USHBP1: variants seen among roughly 807,000 people sequenced by gnomAD.
USHBP1 encodes the protein USH1 protein network component harmonin binding protein 1, also known as harmonin-binding protein USHBP1.
USHBP1 carries 67 observed loss-of-function variants against 76.2 expected under a neutral mutation model. The ratio of observed to expected loss-of-function variants is 0.88; its 90% CI spans 0.72 to 1.08. The LOEUF (loss-of-function observed/expected upper bound fraction) is 1.08. Ranked by LOEUF, USHBP1 falls within the 50% of genes least tolerant of loss-of-function variation. The pLI, the probability that USHBP1 is intolerant of heterozygous loss-of-function variation, is 0.00. For missense variants in USHBP1, 931 were observed against 915.0 expected (o/e 1.02, Z -0.23); for synonymous variants, 322 against 362.2 (o/e 0.89, Z 1.26).
rs1384142620 is a variant in USHBP1, at chr19:17,263,828, T to G, written c.203+174A>C. 6.0e-6 allele frequency: 5 copies of G among 828,140 alleles called. No homozygotes were observed. In the African/African-American group the frequency reaches 8.6e-5, roughly 14 times the overall value. 51.3% of individuals were successfully genotyped at this position (828,140 alleles called of 1,614,324 possible). On this transcript the variant is annotated intron_variant, in intron 3 of 12. Coordinates refer to ENST00000252597, the MANE Select transcript of USHBP1 (RefSeq NM_031941.4). The stretch of plus-strand genomic sequence containing the variant: ...TTGCTGTGAGCCGAGATTGTGCCAC[T>G]GCACTGCACTACAGCCTGGGTGACA...
chr19:17,262,856 T>C lies in USHBP1; in HGVS notation c.338A>G (p.Asn113Ser), dbSNP rs774286997. 9.9e-6 allele frequency: 16 copies of C among 1,612,814 alleles called. No individual in the cohort carries two copies. The East Asian group carries it at 3.1e-4, about 31-fold the overall frequency. The part of the protein sequence containing the change: ...LQYKETVPPG[N>S]GAPDVFQTLQ... Reference sequence around the variant, plus strand: ...GGTCTGAAACACATCGGGGGCCCCATTCCCAGGGGGCACAGTCTCCTTGTA... The same window carrying C: ...GGTCTGAAACACATCGGGGGCCCCACTCCCAGGGGGCACAGTCTCCTTGTA... Residue 113 changes from asparagine (N) to serine (S), a missense_variant, in exon 4 of 13, where the codon AAT (asparagine) becomes AGT (serine). Coordinates refer to ENST00000252597, the MANE Select transcript of USHBP1 (RefSeq NM_031941.4).
chr19:17,251,439 C>T (rs527286373), intron 12 of USHBP1, 143 bp downstream of exon 12: 2 of 1,174,720 alleles, frequency 1.7e-6, no homozygotes, highest in African/African-American at 1.5e-5. Context: ...GCTGGGATTA[C>T]AGGTGTGAGC....
intron 7 of USHBP1, chr19:17,258,677 C>T (rs2073651025): frequency 3.0e-6 from 1 of 336,600 alleles, no homozygotes; most frequent in Non-Finnish European, 5.5e-6. Context: ...CCACTGCACT[C>T]CAGCCTGGGT....
chr19:17,255,596 G>A lies in USHBP1; in HGVS notation c.1481C>T (p.Ala494Val), dbSNP rs780676633. The change falls in exon 10 of 13, where the codon GCG becomes GTG. Residue 494 changes from alanine (A) to valine (V), a missense_variant. Ala to Val is a moderately conservative substitution (Grantham distance 64, BLOSUM62 0). Coordinates refer to ENST00000252597, the MANE Select transcript of USHBP1 (RefSeq NM_031941.4). Reference protein sequence around the residue: ...QDLVAAREALADLMLRLQLVR... With the variant: ...QDLVAAREALVDLMLRLQLVR... ...CAGCTGCAGCCGAAGCATCAGGTCC[G>A]CCAGGGCCTCCTGTGGGACCAAGGA... 36 of 1,610,292 alleles carry A rather than the reference G, an allele frequency of 2.2e-5. No individual in the cohort carries two copies. In the Middle Eastern group the frequency reaches 5.2e-4, roughly 23 times the overall value.
intron 3 of USHBP1, 24 bp downstream of exon 3, chr19:17,263,978 G>C: frequency 1.3e-6 from 2 of 1,528,298 alleles, no homozygotes; most frequent in Non-Finnish European, 1.8e-6. Flanking sequence ...CTGGAGTGAA[G>C]GGCACAGACC....
intron 9 of USHBP1, 111 bp downstream of exon 9, chr19:17,256,360 T>C (rs1023406268): frequency 2.0e-6 from 3 of 1,479,236 alleles, no homozygotes; most frequent in Middle Eastern, 1.8e-4. Flanking sequence ...CCCTTCACAA[T>C]GCCTGCACTC....
chr19:17,257,385 G>A (rs1277176325), intron 8 of USHBP1, among the ~76,000 whole-genome samples: 3 of 146,458 alleles, frequency 2.0e-5, no homozygotes, highest in East Asian at 2.2e-4. Flanking sequence ...CCTAACGCCT[G>A]TAATCCCAGC....
chr19:17,264,136 G>C lies in USHBP1; in HGVS notation c.69C>G (p.Pro23=), dbSNP rs773761807. 6.2e-7 allele frequency: 1 copy of C among 1,613,604 alleles called. No homozygotes were observed. The highest frequency in any genetic ancestry group is 1.3e-5 in the African/African-American group (1 of 74,954). Residue 23 remains proline (P), a synonymous_variant, in exon 3 of 13, where the codon CCC becomes CCG. Transcript: ENST00000252597. The part of the protein sequence containing the change: ...GRHAPPGELD[P]VAESSEEVEA... The stretch of plus-strand genomic sequence containing the variant: ...CGACCTCCTCTGAACTCTCAGCCAC[G>C]GGATCCAGTTCACCCTGCAAATGAC...
chr19:17,264,371 C>T, intron 1 of USHBP1, 24 bp from the exon 2 acceptor site: 1 of 1,499,762 alleles, frequency 6.7e-7, no homozygotes, highest in Non-Finnish European at 9.0e-7. Context: ...CTGCCATGAG[C>T]TCTTGCCTTT....
chr19:17,259,380 G>C lies in USHBP1; in HGVS notation c.955C>G (p.Gln319Glu). ...CFNRLLSAVL[Q>E]GYKGRCEGLS... ...CCTTCACAGCGGCCCTTGTATCCCT[G>C]TAGCACAGCTGATAGCAGACGATTA... is the stretch of plus-strand genomic sequence containing the variant. Residue 319 changes from glutamine to glutamate, a missense_variant, in exon 7 of 13, where the codon CAG becomes GAG. Physicochemically the swap from Gln to Glu is conservative, Grantham distance 29. Coordinates refer to ENST00000252597, the MANE Select transcript of USHBP1 (RefSeq NM_031941.4). 6.2e-7 allele frequency: 1 copy of C among 1,614,136 alleles called. No individual in the cohort carries two copies. The highest frequency in any genetic ancestry group is 8.5e-7 in the Non-Finnish European group (1 of 1,180,030).
chr19:17,258,319 G>C lies in USHBP1; in HGVS notation c.1113C>G (p.Asp371Glu). Residue 371 changes from aspartate (D) to glutamate (E), a missense_variant, in exon 8 of 13, where the codon GAC (aspartate) becomes GAG (glutamate). Coordinates refer to ENST00000252597, the MANE Select transcript of USHBP1 (RefSeq NM_031941.4). ...ALREADSGAG[D>E]EAPMSDLQAA... ...CTTGCAGGTCACTCATGGGGGCTTCGTCTCCTGCTCCTGAGTCGGCCTCCC... is the reference window on the plus strand; with the variant it reads ...CTTGCAGGTCACTCATGGGGGCTTCCTCTCCTGCTCCTGAGTCGGCCTCCC... The C allele has an allele frequency of 6.2e-7, 1 of 1,614,036 alleles. No individual in the cohort carries two copies.
chr19:17,250,558 G>C (rs1270386096), intron 12 of USHBP1, 144 bp from the exon 13 acceptor site: 2 of 980,864 alleles, frequency 2.0e-6, no homozygotes, highest in Non-Finnish European at 2.9e-6. Context: ...TGTTGTTGTT[G>C]TTGTTGTTTG....
At position 17,250,257 on chromosome 19, in the gene USHBP1, G is replaced by A; in HGVS notation, c.2080C>T (p.Pro694Ser). ...AAGGTGTCCCCAAGCTGGGGAGGCG[G>A]GAGGGGAGGCCTGGGCTTCCCCAGG... ...RALGKPRPPL[P>S]PPQLGDTFL Residue 694 changes from proline to serine, a missense_variant, in exon 13 of 13, where the codon CCG (proline) becomes TCG (serine). Coordinates refer to ENST00000252597, the MANE Select transcript of USHBP1 (RefSeq NM_031941.4). The A allele has an allele frequency of 6.2e-7, 1 of 1,612,920 alleles. No individual in the cohort carries two copies. The highest frequency in any genetic ancestry group is 8.5e-7 in the Non-Finnish European group (1 of 1,179,670).
In USHBP1 at chr19:17,262,699, C is replaced by A; in HGVS notation, c.495G>T (p.Gly165=). Residue 165 remains glycine (G), a synonymous_variant, in exon 4 of 13, where the codon GGG becomes GGT. Transcript: ENST00000252597. ...GGAGSLGKQE[G]AGSCQREAAR... The stretch of plus-strand genomic sequence containing the variant: ...CTGCCTCTCGCTGGCAGCTCCCTGC[C>A]CCTTCCTGCTTCCCAAGGGAACCTG... 6.2e-7 allele frequency: 1 copy of A among 1,614,192 alleles called. No homozygotes were observed. Among genetic ancestry groups the A allele is most frequent in the Non-Finnish European group, 8.5e-7 (1 of 1,180,036 alleles).
Position 17,262,620 on chromosome 19 carries a change from CCT to C in USHBP1, c.572_573del (p.Glu191GlyfsTer2). On this transcript the variant is annotated frameshift_variant, in exon 4 of 13. Transcript: ENST00000252597. LOFTEE classifies it high-confidence loss of function. Reference sequence around the variant, plus strand: ...GAGGCCTGCGTGCGGACCAGCTCATCCTCTCGGCTACTCAGGGCCAGCCGGAG... The same window carrying C: ...GAGGCCTGCGTGCGGACCAGCTCATCCTCGGCTACTCAGGGCCAGCCGGAG... ...AWLRLALSSR[E>X]DELVRTQASL... 6.2e-7 allele frequency: 1 copy of C among 1,613,916 alleles called. No homozygotes were observed. The highest frequency in any genetic ancestry group is 8.5e-7 in the Non-Finnish European group (1 of 1,180,010).
chr19:17,262,700 C>A lies in USHBP1; in HGVS notation c.494G>T (p.Gly165Val). Residue 165 changes from glycine to valine, a missense_variant, in exon 4 of 13, where the codon GGG (glycine) becomes GTG (valine). Coordinates refer to ENST00000252597, the MANE Select transcript of USHBP1 (RefSeq NM_031941.4). ...GGAGSLGKQEGAGSCQREAAR... is the reference protein window; with the variant it reads ...GGAGSLGKQEVAGSCQREAAR... Reference sequence around the variant, plus strand: ...TGCCTCTCGCTGGCAGCTCCCTGCCCCTTCCTGCTTCCCAAGGGAACCTGC... The same window carrying A: ...TGCCTCTCGCTGGCAGCTCCCTGCCACTTCCTGCTTCCCAAGGGAACCTGC... The A allele has an allele frequency of 6.2e-7, 1 of 1,614,210 alleles. No individual in the cohort carries two copies. Among genetic ancestry groups the A allele is most frequent in the Non-Finnish European group, 8.5e-7 (1 of 1,180,036 alleles).
chr19:17,253,423 G>T (rs2073578411), intron 10 of USHBP1, among the ~76,000 whole-genome samples: 1 of 150,090 alleles, frequency 6.7e-6, no homozygotes, highest in Non-Finnish European at 1.5e-5. Context: ...GGAGTAGCTG[G>T]GATTACAGGC....
chr19:17,264,529 C>T (rs2073729991), intron 1 of USHBP1, 142 bp downstream of exon 1: 2 of 559,736 alleles, frequency 3.6e-6, no homozygotes, highest in African/African-American at 3.8e-5. Context: ...GAAGGTTGTC[C>T]TGATCTCCCC....
At chr19:17,256,870 C>T in intron 8 of USHBP1, 150 bp from the exon 9 acceptor site, 1 of 1,173,320 alleles carries the variant, frequency 8.5e-7, no homozygotes, top group Non-Finnish European at 1.2e-6. Flanking sequence ...CACCAACATA[C>T]CCCACTAGGC....
Sources: gnomAD v4.1 joint callset for allele counts (sites outside exome capture counted in the v4.1 genomes callset) on GRCh38, gnomAD v4.1.1 for gene constraint, MANE v1.5 for transcripts, NCBI Gene and HGNC (gene_info 2026-07-23, HGNC 2026-07-21) for gene names.